Variants in LCP2 observed in about 807,000 individuals in gnomAD.
LCP2 encodes the protein 76 kDa tyrosine phosphoprotein.
LCP2 carries 29 observed loss-of-function variants against 74.5 expected under a neutral mutation model. The observed-to-expected ratio is 0.39, with a 90% CI of 0.29 to 0.53. LCP2 has a LOEUF of 0.53. LCP2 is among the 20% of genes least tolerant of loss of function. The pLI is 0.72. For synonymous variants in LCP2, 228 were observed against 229.5 expected (o/e 0.99, Z 0.06); for missense variants, 604 against 634.6 (o/e 0.95, Z 0.52).
At chr5:170,293,213 G>A (rs1762319031) in intron 2 of LCP2, 97 bp downstream of exon 2, 4 of 1,183,910 alleles carry the variant, frequency 3.4e-6, no homozygotes, top group Non-Finnish European at 4.9e-6. Context: ...GGATCCTCGG[G>A]TGTCCCCAGG....
chr5:170,250,766 T>G lies in LCP2; in HGVS notation c.1443A>C (p.Gln481His), dbSNP rs757409371. 6.2e-7 allele frequency: 1 copy of G among 1,613,528 alleles called. No individual in the cohort carries two copies. ...NIQIRYQKES[Q>H]VYLLGTGLRG... Reference sequence around the variant, plus strand: ...GGAGTCCAGTTCCCAACAAGTAAACTTGACTTTCCTTCTGATAACGGATCT... The same window carrying G: ...GGAGTCCAGTTCCCAACAAGTAAACGTGACTTTCCTTCTGATAACGGATCT... The change falls in exon 20 of 21, where the codon CAA (glutamine) becomes CAC (histidine). Residue 481 changes from glutamine (Q) to histidine (H), a missense_variant. Physicochemically the swap from Gln to His is conservative, Grantham distance 24. Coordinates refer to ENST00000046794, the MANE Select transcript of LCP2 (RefSeq NM_005565.5).
intron 6 of LCP2, 148 bp from the exon 7 acceptor site, chr5:170,271,065 G>C: frequency 1.5e-6 from 1 of 651,230 alleles, no homozygotes; most frequent in Non-Finnish European, 2.5e-6. Flanking sequence ...TTACAGATGA[G>C]GAATCTGAGG....
rs763788434 is a variant in LCP2, at chr5:170,258,057, C to A, written c.1080G>T (p.Met360Ile). The A allele has an allele frequency of 6.2e-6, 10 of 1,613,884 alleles. No individual in the cohort carries two copies. The highest frequency in any genetic ancestry group is 8.5e-6 in the Non-Finnish European group (10 of 1,179,804). The change falls in exon 16 of 21, where the codon ATG becomes ATT. Residue 360 changes from methionine (M) to isoleucine (I), a missense_variant. Physicochemically the swap from Met to Ile is conservative, Grantham distance 10. Coordinates refer to ENST00000046794, the MANE Select transcript of LCP2 (RefSeq NM_005565.5). The stretch of plus-strand genomic sequence containing the variant: ...CAAACCTTTCTGAGAATGCTCCAGG[C>A]ATGTGAGAGGATGGGAGAGGGTTCA... Reference protein sequence around the residue: ...SPMNPLPSSHMPGAFSESNSS... With the variant: ...SPMNPLPSSHIPGAFSESNSS...
At chr5:170,273,236 C>T (rs192502979) in intron 6 of LCP2, among the ~76,000 whole-genome samples, 7 of 152,214 alleles carry the variant, frequency 4.6e-5, no homozygotes, top group African/African-American at 1.7e-4. Context: ...CAGAGAGGAT[C>T]GAAGACTAGC....
intron 3 of LCP2, among the ~76,000 whole-genome samples, chr5:170,277,572 C>A (rs1338404751): frequency 6.6e-6 from 1 of 151,792 alleles, no homozygotes; most frequent in Non-Finnish European, 1.5e-5. Context: ...CATGGTGAAA[C>A]CCCGTCTCTA....
intron 1 of LCP2, among the ~76,000 whole-genome samples, chr5:170,294,236 G>A (rs912784186): frequency 1.3e-5 from 2 of 152,212 alleles, no homozygotes; most frequent in African/African-American, 4.8e-5. Flanking sequence ...TTTGTTTGCA[G>A]TACCTCATCC....
intron 14 of LCP2, among the ~76,000 whole-genome samples, chr5:170,259,223 C>T (rs1761612613): frequency 6.6e-6 from 1 of 152,086 alleles, no homozygotes; most frequent in Non-Finnish European, 1.5e-5. Flanking sequence ...ATTCAGTTCC[C>T]CTAGTGACCC....
chr5:170,273,851 C>T (rs995139493), intron 6 of LCP2: 2 of 156,806 alleles, frequency 1.3e-5, no homozygotes, highest in Admixed American at 6.2e-5. Flanking sequence ...TCCGTGTCAC[C>T]GATGGGGACT....
At chr5:170,288,833 GGC>G (rs1347175800) in intron 2 of LCP2, among the ~76,000 whole-genome samples, 2 of 152,162 alleles carry the variant, frequency 1.3e-5, no homozygotes, top group African/African-American at 4.8e-5. Flanking sequence ...CGGCCCCTGT[GGC>G]CTATGTTGGA....
At chr5:170,258,734 G>A in intron 15 of LCP2, 132 bp downstream of exon 15, 4 of 595,750 alleles carry the variant, frequency 6.7e-6, no homozygotes, top group Non-Finnish European at 1.2e-5. Context: ...ATTGACATAA[G>A]TCTACTTAAT....
In LCP2 at chr5:170,256,350, T is replaced by C. The variant is rs1165760431; in HGVS notation, c.1150+176A>G. On this transcript the variant is annotated intron_variant, in intron 17 of 20. Transcript: ENST00000046794. This position sits in a 1 kb window ranked among gnomAD's most constrained non-coding sequence, Gnocchi z 4.5. ...TGTATGTGTTGTGTTTTAGGTACTA[T>C]CCTATCATTCCGACAGCCCTTGGCA... 6.6e-6 allele frequency among the ~76,000 whole-genome samples: 1 copy of C among 152,154 alleles called. No homozygotes were observed. The highest frequency in any genetic ancestry group is 1.5e-5 in the Non-Finnish European group (1 of 68,016).
At chr5:170,267,132 C>G in intron 8 of LCP2, 57 bp from the exon 9 acceptor site, 1 of 1,525,910 alleles carries the variant, frequency 6.6e-7, no homozygotes, top group Admixed American at 1.7e-5. Context: ...AGAGCCGGCA[C>G]TCCCAAAACC....
intron 3 of LCP2, among the ~76,000 whole-genome samples, chr5:170,285,805 C>A (rs984373249): frequency 2.6e-5 from 4 of 152,144 alleles, no homozygotes; most frequent in Non-Finnish European, 5.9e-5. Flanking sequence ...AGAGGGGCCC[C>A]TCTGAAGCTC....
rs924925338 is a variant in LCP2 at position 170,247,398 on chromosome 5, C to G, written c.*1299G>C. ...TTTTAAAATGGTGACTTCTTAGATT[C>G]CTTCCAATACCCCTTTTATTAGCTC... On this transcript the variant is annotated 3_prime_UTR_variant, in exon 21 of 21. Transcript: ENST00000046794. 1 of 152,208 alleles carries G rather than the reference C, an allele frequency of 6.6e-6. No individual in the cohort carries two copies. Among genetic ancestry groups the G allele is most frequent in the Admixed American group, 6.5e-5 (1 of 15,286 alleles). 9.4% of individuals were successfully genotyped at this position (152,208 alleles called of 1,614,324 possible).
rs201495834 is a variant in LCP2 at position 170,295,924 on chromosome 5, TC to T, written c.78+1609del. 4.1e-3 allele frequency among the ~76,000 whole-genome samples: 620 copies of T among 152,194 alleles called. 15 individuals carry two copies. The highest frequency in any genetic ancestry group is 0.036 in the Admixed American group (555 of 15,286). ...CCTTCCCCCAGCTCAGGCAGTGAGGTCTTCCTGTACCATCCCTGACCCGTGG... is the reference window on the plus strand; with the variant it reads ...CCTTCCCCCAGCTCAGGCAGTGAGGTTTCCTGTACCATCCCTGACCCGTGG... On this transcript the variant is annotated intron_variant, in intron 1 of 20. Coordinates refer to ENST00000046794, the MANE Select transcript of LCP2 (RefSeq NM_005565.5).
In LCP2 at chr5:170,297,635, C is replaced by T; in HGVS notation, c.-24G>A. ...ATGGCTGCTCTCCCGGGAAGAAGCT[C>T]ACAAGCTGAGCATGGGCGCTTCACC... On this transcript the variant is annotated 5_prime_UTR_variant, in exon 1 of 21. An upstream open reading frame in the 5' UTR loses its in-frame stop. Transcript: ENST00000046794. 6.3e-7 allele frequency: 1 copy of T among 1,595,938 alleles called. No individual in the cohort carries two copies. Among genetic ancestry groups the T allele is most frequent in the Non-Finnish European group, 8.5e-7 (1 of 1,170,414 alleles).
Position 170,248,561 on chromosome 5 carries a change from A to C in LCP2, c.*136T>G, listed in dbSNP as rs550715681. 1.2e-5 allele frequency: 10 copies of C among 863,438 alleles called. No homozygotes were observed. The African/African-American group carries it at 1.8e-4, about 15-fold the overall frequency. The allele number at this position is 863,438 out of a possible 1,614,324, so 53.5% of individuals were successfully genotyped here. On this transcript the variant is annotated 3_prime_UTR_variant, in exon 21 of 21. Coordinates refer to ENST00000046794, the MANE Select transcript of LCP2 (RefSeq NM_005565.5). Reference sequence around the variant, plus strand: ...GTCTTCATTTCAAACACTGTTTTTAAAGGAAAGGATAAAACCCTTGTGTTC... The same window carrying C: ...GTCTTCATTTCAAACACTGTTTTTACAGGAAAGGATAAAACCCTTGTGTTC...
chr5:170,259,526 A>G (rs2113161699), intron 14 of LCP2, among the ~76,000 whole-genome samples: 1 of 152,342 alleles, frequency 6.6e-6, no homozygotes, highest in Admixed American at 6.5e-5. Context: ...ATGAGGTTCA[A>G]AGAGAAAAAA....
chr5:170,271,025 C>A (rs1761889707), intron 6 of LCP2, 108 bp from the exon 7 acceptor site: 3 of 906,610 alleles, frequency 3.3e-6, no homozygotes, highest in Non-Finnish European at 4.9e-6. Context: ...TAACCCGGGA[C>A]CAGGCAGCCT....
Sources: gnomAD v4.1 joint callset for allele counts (sites outside exome capture counted in the v4.1 genomes callset) on GRCh38, gnomAD v4.1.1 for gene constraint, Gnocchi (gnomAD v3.1) non-coding constraint, MANE v1.5 for transcripts, NCBI Gene and HGNC (gene_info 2026-07-23, HGNC 2026-07-21) for gene names.